Variants in SHISA9 observed in about 807,000 individuals in gnomAD.
SHISA9 encodes the protein protein shisa-9.
Under a neutral mutation model 38.0 loss-of-function variants are expected in SHISA9, and 13 were observed. The ratio of observed to expected loss-of-function variants is 0.34; its 90% CI spans 0.22 to 0.54. The LOEUF (loss-of-function observed/expected upper bound fraction) is 0.54. Ranked by LOEUF, SHISA9 falls within the 20% of genes least tolerant of loss-of-function variation. The pLI, the probability that SHISA9 is intolerant of heterozygous loss-of-function variation, is 0.91. For synonymous variants in SHISA9, 275 were observed against 242.0 expected (o/e 1.14, Z -1.27); for missense variants, 538 against 575.8 (o/e 0.93, Z 0.67).
downstream of SHISA9, among the ~76,000 whole-genome samples, chr16:13,241,160 C>G (rs546698558): frequency 6.6e-6 from 1 of 152,136 alleles, no homozygotes; most frequent in African/African-American, 2.4e-5. Context: ...TTCAGGGATG[C>G]TAATGTTCAG....
chr16:13,221,800 T>C (rs1279152559), intron 4 of SHISA9, among the ~76,000 whole-genome samples: 1 of 152,206 alleles, frequency 6.6e-6, no homozygotes, highest in Non-Finnish European at 1.5e-5. Context: ...CTTACTGTCT[T>C]AGCAGTCCTC....
chr16:13,354,384 T>G, the SHISA9 span, among the ~76,000 whole-genome samples: 1 of 142,596 alleles, frequency 7.0e-6, no homozygotes, highest in Non-Finnish European at 1.5e-5. Flanking sequence ...GGAAATGGGG[T>G]GAATGTCAGG....
the SHISA9 span, among the ~76,000 whole-genome samples, chr16:13,314,699 T>C: frequency 6.6e-6 from 1 of 152,186 alleles, no homozygotes; most frequent in African/African-American, 2.4e-5. Flanking sequence ...ATCATATCAG[T>C]TCCAAAAGTT....
At chr16:13,297,055 T>C in the SHISA9 span, among the ~76,000 whole-genome samples, 1 of 152,130 alleles carries the variant, frequency 6.6e-6, no homozygotes, top group Non-Finnish European at 1.5e-5. Flanking sequence ...TTCAGAATTA[T>C]ACTGTAAGCA....
At chr16:13,333,378 A>G in the SHISA9 span, among the ~76,000 whole-genome samples, 2 of 152,154 alleles carry the variant, frequency 1.3e-5, no homozygotes, top group African/African-American at 2.4e-5. Flanking sequence ...CCCTAATGGT[A>G]TCATTGATAT....
chr16:13,146,329 A>C (rs1194140558), intron 2 of SHISA9, among the ~76,000 whole-genome samples: 1 of 152,218 alleles, frequency 6.6e-6, no homozygotes, highest in Non-Finnish European at 1.5e-5. Flanking sequence ...ATCCAAGCCT[A>C]TTAGGAGGAA....
At chr16:13,070,864 C>T (rs2073505467) in intron 2 of SHISA9, among the ~76,000 whole-genome samples, 1 of 152,156 alleles carries the variant, frequency 6.6e-6, no homozygotes, top group South Asian at 2.1e-4. Context: ...TTAAGAAGTC[C>T]TCACAGCCGC....
chr16:13,049,698 A>G (rs1224776041), intron 2 of SHISA9, among the ~76,000 whole-genome samples: 1 of 152,152 alleles, frequency 6.6e-6, no homozygotes, highest in East Asian at 1.9e-4. Context: ...CAAAAGGATA[A>G]TGAGTCCTCA....
At chr16:13,364,644 G>T in the SHISA9 span, among the ~76,000 whole-genome samples, 2 of 152,180 alleles carry the variant, frequency 1.3e-5, no homozygotes, top group Non-Finnish European at 2.9e-5. Context: ...CTGCAAGATT[G>T]TTTGCTATGT....
At chr16:13,288,044 G>C in the SHISA9 span, among the ~76,000 whole-genome samples, 1 of 152,246 alleles carries the variant, frequency 6.6e-6, no homozygotes, top group Non-Finnish European at 1.5e-5. Flanking sequence ...TTCCATAGCA[G>C]CAGGTTATGT....
the SHISA9 span, among the ~76,000 whole-genome samples, chr16:13,524,545 A>G: frequency 6.6e-6 from 1 of 152,092 alleles, no homozygotes; most frequent in Non-Finnish European, 1.5e-5. Flanking sequence ...CCTCAGGACA[A>G]TTGACATTTT....
At chr16:13,100,612 G>C (rs777734008) in intron 2 of SHISA9, among the ~76,000 whole-genome samples, 2 of 152,186 alleles carry the variant, frequency 1.3e-5, no homozygotes, top group Non-Finnish European at 2.9e-5. Flanking sequence ...TTGACTCCTT[G>C]TTCGGGGCCT....
chr16:13,369,400 CT>C, the SHISA9 span, among the ~76,000 whole-genome samples: 1 of 152,048 alleles, frequency 6.6e-6, no homozygotes, highest in Non-Finnish European at 1.5e-5. Flanking sequence ...AATCTATATT[CT>C]TTTGTCTGTT....
the SHISA9 span, among the ~76,000 whole-genome samples, chr16:13,528,053 G>A: frequency 6.6e-6 from 1 of 152,084 alleles, no homozygotes; most frequent in Non-Finnish European, 1.5e-5. Context: ...TATTTCATGT[G>A]GCTGTTGGGA....
At chr16:13,117,513 GT>G (rs1567217957) in intron 2 of SHISA9, among the ~76,000 whole-genome samples, 1 of 152,198 alleles carries the variant, frequency 6.6e-6, no homozygotes, top group Non-Finnish European at 1.5e-5. Context: ...AGGAGTTCAA[GT>G]TCATTCCAGA....
chr16:13,192,311 C>T (rs878931393), intron 2 of SHISA9, among the ~76,000 whole-genome samples: 7 of 151,914 alleles, frequency 4.6e-5, no homozygotes, highest in African/African-American at 1.5e-4. Context: ...ACTAGGACCC[C>T]GACCCTGACC....
chr16:13,109,184 G>C (rs1379639635), intron 2 of SHISA9, among the ~76,000 whole-genome samples: 1 of 152,076 alleles, frequency 6.6e-6, no homozygotes, highest in African/African-American at 2.4e-5. Flanking sequence ...GTGCCATCAT[G>C]CTTGGCTAAT....
intron 2 of SHISA9, among the ~76,000 whole-genome samples, chr16:13,170,360 C>T (rs1229821534): frequency 6.6e-6 from 1 of 152,114 alleles, no homozygotes; most frequent in African/African-American, 2.4e-5. Context: ...TCCCTGAACT[C>T]AGGGGCTTTG....
intron 2 of SHISA9, among the ~76,000 whole-genome samples, chr16:13,023,996 C>G (rs2072890138): frequency 6.6e-6 from 1 of 152,196 alleles, no homozygotes; most frequent in Non-Finnish European, 1.5e-5. Context: ...AACAGAGAGG[C>G]TGAGGAACAG....
Sources: gnomAD v4.1 joint callset for allele counts (sites outside exome capture counted in the v4.1 genomes callset) on GRCh38, gnomAD v4.1.1 for gene constraint, MANE v1.5 for transcripts, NCBI Gene and HGNC (gene_info 2026-07-23, HGNC 2026-07-21) for gene names.